Variants in WDPCP observed in about 807,000 individuals in gnomAD.
WDPCP encodes the protein WD repeat containing planar cell polarity effector, also known as WD repeat-containing and planar cell polarity effector protein fritz homolog.
In WDPCP, 71 loss-of-function variants were observed where a neutral mutation model predicts 93.1. The observed-to-expected ratio is 0.76, with a 90% CI of 0.63 to 0.93. WDPCP has a LOEUF of 0.93. Among genes scored for constraint, WDPCP ranks in the 40% least tolerant of loss-of-function variants. The pLI is 0.00. For synonymous variants in WDPCP, 315 were observed against 315.0 expected (o/e 1.00, Z 0.00); for missense variants, 844 against 887.4 (o/e 0.95, Z 0.62).
At chr2:63,786,038 G>GT (rs1203032849) in intron 2 of WDPCP, among the ~76,000 whole-genome samples, 3 of 152,034 alleles carry the variant, frequency 2.0e-5, no homozygotes, top group Non-Finnish European at 2.9e-5. Context: ...ATTCTCTTTG[G>GT]TTTTTTCTTC....
chr2:63,607,646 C>T (rs111845204), intron 3 of WDPCP, among the ~76,000 whole-genome samples: 2,039 of 150,106 alleles, frequency 0.014, 46 homozygotes, highest in African/African-American at 0.045. Flanking sequence ...CTGGCTGACG[C>T]GGTGAAACCC....
intron 12 of WDPCP, 21 bp downstream of exon 12, chr2:63,378,365 C>A: frequency 6.2e-7 from 1 of 1,612,496 alleles, no homozygotes; most frequent in South Asian, 1.1e-5. Context: ...TGACGCTAAT[C>A]AATCCAAACA....
chr2:63,167,135 C>T (rs753734747), intron 15 of WDPCP, among the ~76,000 whole-genome samples: 3 of 152,138 alleles, frequency 2.0e-5, no homozygotes, highest in Admixed American at 6.5e-5. Context: ...ACAGCCACAT[C>T]GGTTCATTTA....
chr2:63,174,243 T>C (rs1189181723), intron 15 of WDPCP, among the ~76,000 whole-genome samples: 1 of 152,138 alleles, frequency 6.6e-6, no homozygotes, highest in Admixed American at 6.5e-5. Flanking sequence ...TAACCCCATG[T>C]AGCAAACTGG....
intron 1 of WDPCP, among the ~76,000 whole-genome samples, chr2:63,575,489 A>ACAGTATATACAGTGTACGCACT (rs1257278044): frequency 5.8e-5 from 1 of 17,288 alleles, no homozygotes; most frequent in Non-Finnish European, 1.3e-4. Context: ...GTGTATATAT[A>ACAGTATATACAGTGTACGCACT]GTATATACAG....
chr2:63,271,155 G>A (rs1217155130), intron 13 of WDPCP, among the ~76,000 whole-genome samples: 1 of 152,174 alleles, frequency 6.6e-6, no homozygotes, highest in Non-Finnish European at 1.5e-5. Flanking sequence ...TGGGACAATG[G>A]GACCAGAACC....
At chr2:63,386,180 G>T (rs1692715371) in intron 10 of WDPCP, among the ~76,000 whole-genome samples, 1 of 151,850 alleles carries the variant, frequency 6.6e-6, no homozygotes, top group African/African-American at 2.4e-5. Flanking sequence ...AAAAGCAAAA[G>T]CCATAAAACA....
In WDPCP at chr2:63,553,642, A is replaced by AC. The variant is rs562127985; in HGVS notation, c.75+34554_75+34555insG. Among the ~76,000 whole-genome samples, 42 of 152,030 alleles carry AC rather than the reference A, an allele frequency of 2.8e-4. No individual in the cohort carries two copies. In the East Asian group the frequency reaches 6.8e-3, roughly 24 times the overall value. On this transcript the variant is annotated intron_variant, in intron 1 of 17. Transcript: ENST00000272321. ...ATCAATCTGATGCTTTTAAAAAAAA[A>AC]AAAACTTTTTTCTTGGTAAGTAGAG...
At chr2:63,495,768 T>A (rs936660718) in intron 1 of WDPCP, among the ~76,000 whole-genome samples, 7 of 152,174 alleles carry the variant, frequency 4.6e-5, no homozygotes, top group African/African-American at 1.4e-4. Context: ...ACTCAGTATA[T>A]CCATCACTAC....
chr2:63,618,657 C>G (rs1709698516), intron 3 of WDPCP, among the ~76,000 whole-genome samples: 1 of 149,698 alleles, frequency 6.7e-6, no homozygotes, highest in African/African-American at 2.5e-5. Flanking sequence ...AAATGTGTTA[C>G]TTTTGATAGA....
intron 10 of WDPCP, among the ~76,000 whole-genome samples, chr2:63,402,059 A>G (rs1694190506): frequency 6.6e-6 from 1 of 152,176 alleles, no homozygotes; most frequent in African/African-American, 2.4e-5. Context: ...AAAGACATGG[A>G]CCCAACCAAA....
chr2:63,677,928 CA>C, intron 2 of WDPCP, among the ~76,000 whole-genome samples: 1 of 152,042 alleles, frequency 6.6e-6, no homozygotes, highest in Non-Finnish European at 1.5e-5. Context: ...GTAGATGCTT[CA>C]AAATATTTGT....
intron 14 of WDPCP, among the ~76,000 whole-genome samples, chr2:63,184,614 G>C (rs1463730454): frequency 2.0e-5 from 3 of 151,836 alleles, no homozygotes; most frequent in Non-Finnish European, 1.5e-5. Flanking sequence ...CTTTACAAGT[G>C]ACTAGATGAT....
intron 1 of WDPCP, among the ~76,000 whole-genome samples, chr2:63,559,585 C>A (rs532355299): frequency 1.3e-5 from 2 of 152,252 alleles, no homozygotes; most frequent in East Asian, 3.9e-4. Context: ...TTTCAAGATA[C>A]AAAATCAATG....
At chr2:63,691,360 C>T (rs1043658865) in intron 2 of WDPCP, among the ~76,000 whole-genome samples, 7 of 152,144 alleles carry the variant, frequency 4.6e-5, no homozygotes, top group African/African-American at 7.2e-5. Context: ...GTAGGCTGGG[C>T]GCAGTGGCTC....
chr2:63,314,142 G>A (rs1341305730), intron 12 of WDPCP, among the ~76,000 whole-genome samples: 1 of 149,640 alleles, frequency 6.7e-6, no homozygotes, highest in Non-Finnish European at 1.5e-5. Flanking sequence ...CTCCCAAAGT[G>A]CTGCGATTAC....
chr2:63,587,445 A>G (rs780545718), intron 1 of WDPCP, among the ~76,000 whole-genome samples: 4 of 152,254 alleles, frequency 2.6e-5, no homozygotes, highest in Non-Finnish European at 2.9e-5. Flanking sequence ...AAAGTAAAGC[A>G]TTACATTTCT....
At chr2:63,727,701 G>C (rs1227403840) in intron 2 of WDPCP, among the ~76,000 whole-genome samples, 1 of 152,118 alleles carries the variant, frequency 6.6e-6, no homozygotes, top group Non-Finnish European at 1.5e-5. Flanking sequence ...TGGTTGGTAG[G>C]CTTTTCATTA....
At chr2:63,404,681 A>G (rs1163508080) in intron 9 of WDPCP, 24 bp from the exon 10 acceptor site, 3 of 1,613,322 alleles carry the variant, frequency 1.9e-6, no homozygotes, top group East Asian at 4.5e-5. Context: ...TATCAAGTAC[A>G]TTCAGATAAA....
Sources: allele counts gnomAD v4.1 joint callset (sites outside exome capture counted in the v4.1 genomes callset), GRCh38; gene constraint gnomAD v4.1.1; transcripts MANE v1.5; gene names NCBI Gene and HGNC (gene_info 2026-07-23, HGNC 2026-07-21).